The following DENND1B variants were observed in gnomAD, a reference collection of about 807,000 sequenced individuals.
The protein encoded by DENND1B is DENN domain-containing protein 1B.
In DENND1B, 59 loss-of-function variants were observed where a neutral mutation model predicts 90.1. The ratio of observed to expected loss-of-function variants is 0.65; its 90% CI spans 0.53 to 0.81. DENND1B has a LOEUF of 0.81. Ranked by LOEUF, DENND1B falls within the 40% of genes least tolerant of loss-of-function variation. The pLI is 0.00. For synonymous variants in DENND1B, 337 were observed against 324.6 expected (o/e 1.04, Z -0.41); for missense variants, 862 against 912.6 (o/e 0.94, Z 0.71).
chr1:197,564,373 C>A (rs963549030), intron 15 of DENND1B, among the ~76,000 whole-genome samples: 1 of 106,430 alleles, frequency 9.4e-6, no homozygotes, highest in Non-Finnish European at 1.7e-5. Context: ...GCCATCAATA[C>A]TGAGGCAAGA....
chr1:197,655,942 TTAGA>T (rs1003368305), intron 6 of DENND1B, among the ~76,000 whole-genome samples: 25 of 152,094 alleles, frequency 1.6e-4, no homozygotes, highest in African/African-American at 6.0e-4. Context: ...CTCAAAATAA[TTAGA>T]TAGTACATTA....
intron 15 of DENND1B, among the ~76,000 whole-genome samples, chr1:197,556,767 T>C (rs1671753206): frequency 6.6e-6 from 1 of 151,902 alleles, no homozygotes; most frequent in South Asian, 2.1e-4. Flanking sequence ...CTAATTAAAA[T>C]AATATAAAGT....
chr1:197,553,283 T>C (rs990749662), intron 15 of DENND1B, among the ~76,000 whole-genome samples, 171 bp from the exon 16 acceptor site: 8 of 152,120 alleles, frequency 5.3e-5, no homozygotes. Context: ...AAGAAAATTC[T>C]CAAACAATGG....
intron 4 of DENND1B, among the ~76,000 whole-genome samples, chr1:197,673,164 A>T (rs1016098236): frequency 1.3e-5 from 2 of 152,044 alleles, no homozygotes; most frequent in African/African-American, 2.4e-5. Context: ...TAAAATAAAA[A>T]AAAAACCCTC....
At chr1:197,687,306 G>A (rs1337609949) in intron 3 of DENND1B, among the ~76,000 whole-genome samples, 1 of 152,156 alleles carries the variant, frequency 6.6e-6, no homozygotes, top group Non-Finnish European at 1.5e-5. Context: ...CAAGAGTAAA[G>A]TGCTTGGGGC....
At chr1:197,691,505 T>C (rs1350371868) in intron 3 of DENND1B, among the ~76,000 whole-genome samples, 2 of 151,966 alleles carry the variant, frequency 1.3e-5, no homozygotes, top group Admixed American at 1.3e-4. Flanking sequence ...CACCCTTGTA[T>C]ACTGTTGGTG....
Position 197,510,567 on chromosome 1 carries a change from C to T in DENND1B, c.2221G>A (p.Glu741Lys), listed in dbSNP as rs762220808. ...ACTTCATGGAGCAGTCCAATATCTT[C>T]TGAAGTCTCTTTGGCTTCTTTCCCT... ...KEGKEAKETS[E>K]DIGLLHEVVS... Residue 741 changes from glutamate to lysine, a missense_variant, in exon 23 of 23, where the codon GAA (glutamate) becomes AAA (lysine). Coordinates refer to ENST00000620048, the MANE Select transcript of DENND1B (RefSeq NM_001195215.2). 21 of 1,612,758 alleles carry T rather than the reference C, an allele frequency of 1.3e-5. No homozygotes were observed. Among genetic ancestry groups the T allele is most frequent in the South Asian group, 4.4e-5 (4 of 91,046 alleles).
chr1:197,512,889 T>G lies in DENND1B; in HGVS notation c.1580A>C (p.Asp527Ala). 1.2e-6 allele frequency: 2 copies of G among 1,610,658 alleles called. No individual in the cohort carries two copies. Among genetic ancestry groups the G allele is most frequent in the Non-Finnish European group, 1.7e-6 (2 of 1,177,980 alleles). ...GALYDDEDDD[D>A]IERASKLSSE... is the part of the protein sequence containing the mutation. ...TACTTACTTGCTTGCTCTTTCAATG[T>G]CATCATCATCTTCATCATCATATAG... Residue 527 changes from aspartate to alanine, a missense_variant, in exon 21 of 23, where the codon GAC becomes GCC. By Grantham distance (126) the Asp-to-Ala change is moderately radical. Coordinates refer to ENST00000620048, the MANE Select transcript of DENND1B (RefSeq NM_001195215.2).
At chr1:197,592,723 C>G (rs1299665503) in intron 14 of DENND1B, among the ~76,000 whole-genome samples, 1 of 152,090 alleles carries the variant, frequency 6.6e-6, no homozygotes, top group Non-Finnish European at 1.5e-5. Context: ...GACTGCCTGC[C>G]CATGGTAAGG....
Position 197,595,263 on chromosome 1 carries a change from A to C in DENND1B, c.992T>G (p.Leu331Arg), listed in dbSNP as rs776826776. ...TCCAAACAAAGCAGCCTGTGCTCTAAGAAAGGCCCTAGCTACTCCATCACC... is the reference window on the plus strand; with the variant it reads ...TCCAAACAAAGCAGCCTGTGCTCTACGAAAGGCCCTAGCTACTCCATCACC... The part of the protein sequence containing the change: ...ATGDGVARAF[L>R]RAQAALFGSY... Residue 331 changes from leucine to arginine, a missense_variant, in exon 14 of 23, where the codon CTT becomes CGT. Coordinates refer to ENST00000620048, the MANE Select transcript of DENND1B (RefSeq NM_001195215.2). 6.2e-7 allele frequency: 1 copy of C among 1,613,356 alleles called. No individual in the cohort carries two copies. The highest frequency in any genetic ancestry group is 1.3e-5 in the African/African-American group (1 of 74,890).
chr1:197,699,891 T>C (rs549029117), intron 3 of DENND1B, among the ~76,000 whole-genome samples: 2 of 152,168 alleles, frequency 1.3e-5, no homozygotes, highest in South Asian at 2.1e-4. Flanking sequence ...TACTCAGGAA[T>C]ACAGCTAACA....
intron 3 of DENND1B, among the ~76,000 whole-genome samples, chr1:197,678,136 G>GCCTTAGAC (rs1656281705): frequency 6.6e-6 from 1 of 152,240 alleles, no homozygotes; most frequent in African/African-American, 2.4e-5. Context: ...GCTCAGTTTA[G>GCCTTAGAC]CCTTAGACTA....
At chr1:197,731,128 A>G (rs1662108713) in intron 2 of DENND1B, among the ~76,000 whole-genome samples, 1 of 152,164 alleles carries the variant, frequency 6.6e-6, no homozygotes, top group Non-Finnish European at 1.5e-5. Flanking sequence ...GAGTATTTAC[A>G]TCACAACTTG....
At chr1:197,511,004 A>G in intron 22 of DENND1B, 32 bp from the exon 23 acceptor site, 1 of 1,467,060 alleles carries the variant, frequency 6.8e-7, no homozygotes, top group Non-Finnish European at 9.0e-7. Context: ...AAACTCAGAA[A>G]ACTTTTAATA....
At chr1:197,519,936 G>A (rs6678240) in intron 20 of DENND1B, among the ~76,000 whole-genome samples, 144,642 of 151,750 alleles carry the variant, frequency 0.95, 69,304 homozygotes, top group South Asian at 1. Flanking sequence ...GCAAAAGCTG[G>A]AAATTTAAAT....
intron 2 of DENND1B, among the ~76,000 whole-genome samples, chr1:197,722,267 GA>G (rs1346623956): frequency 6.6e-6 from 1 of 152,070 alleles, no homozygotes; most frequent in Non-Finnish European, 1.5e-5. Flanking sequence ...TTCTGAATGA[GA>G]AAGGACATTA....
At chr1:197,699,892 A>T (rs1473378713) in intron 3 of DENND1B, among the ~76,000 whole-genome samples, 1 of 152,120 alleles carries the variant, frequency 6.6e-6, no homozygotes, top group Non-Finnish European at 1.5e-5. Context: ...ACTCAGGAAT[A>T]CAGCTAACAA....
chr1:197,515,645 T>C (rs1432256176), intron 20 of DENND1B, among the ~76,000 whole-genome samples: 1 of 151,774 alleles, frequency 6.6e-6, no homozygotes, highest in Admixed American at 6.6e-5. Context: ...TACAGGAAGA[T>C]TAGATAATAC....
chr1:197,562,226 G>A (rs909291920), intron 15 of DENND1B, among the ~76,000 whole-genome samples: 2 of 151,764 alleles, frequency 1.3e-5, no homozygotes, highest in Non-Finnish European at 2.9e-5. Flanking sequence ...ATTCTCTGAT[G>A]TACCCCACAC....
Sources: gnomAD v4.1 joint callset for allele counts (sites outside exome capture counted in the v4.1 genomes callset) on GRCh38, gnomAD v4.1.1 for gene constraint, MANE v1.5 for transcripts, NCBI Gene and HGNC (gene_info 2026-07-23, HGNC 2026-07-21) for gene names.